The following FAM216A variants were observed in gnomAD, a reference collection of about 807,000 sequenced individuals.
FAM216A encodes family with sequence similarity 216 member A, also known as protein FAM216A.
A neutral mutation model predicts 37.6 loss-of-function variants in FAM216A; 26 were observed. The observed-to-expected ratio is 0.69, with a 90% confidence interval of 0.51 to 0.96. The LOEUF (loss-of-function observed/expected upper bound fraction) is 0.96. FAM216A is among the 40% of genes least tolerant of loss of function. The probability of loss-of-function intolerance (pLI) is 0.00; values close to 1 mark genes in which losing one functional copy is unlikely to be tolerated. For synonymous variants in FAM216A, 110 were observed against 121.7 expected (o/e 0.90, Z 0.64); for missense variants, 326 against 339.3 (o/e 0.96, Z 0.31).
chr12:110,468,943 C>T lies in FAM216A; in HGVS notation c.68C>T (p.Pro23Leu), dbSNP rs752617673. Residue 23 changes from proline (P) to leucine (L), a missense_variant, in exon 1 of 7, where the codon CCG becomes CTG. Transcript: ENST00000377673. ...GCCGCGGAGATGCCCGGCCAGGGTC[C>T]GGGGTCCGACTGGACGGAGCGTAGC... Reference protein sequence around the residue: ...LGAAEMPGQGPGSDWTERSSS... With the variant: ...LGAAEMPGQGLGSDWTERSSS... 1 of 1,524,740 alleles carries T rather than the reference C, an allele frequency of 6.6e-7. No homozygotes were observed. The highest frequency in any genetic ancestry group is 1.2e-5 in the South Asian group (1 of 83,512). 94.5% of individuals were successfully genotyped at this position (1,524,740 alleles called of 1,614,324 possible).
At chr12:110,486,226 T>C in intron 3 of FAM216A, 99 bp from the exon 4 acceptor site, 2 of 1,282,982 alleles carry the variant, frequency 1.6e-6, no homozygotes, top group Non-Finnish European at 2.1e-6. Context: ...TAAAATACAG[T>C]TGGCACAACT....
intron 1 of FAM216A, among the ~76,000 whole-genome samples, chr12:110,472,101 G>A (rs531925382): frequency 2.0e-4 from 31 of 151,928 alleles, no homozygotes; most frequent in African/African-American, 6.8e-4. Flanking sequence ...GCGTGGTGGC[G>A]GGCACCTGTA....
rs73417399 is a variant in FAM216A, at chr12:110,472,397, A to G, written c.144-681A>G. On this transcript the variant is annotated intron_variant, in intron 1 of 6. Coordinates refer to ENST00000377673, the MANE Select transcript of FAM216A (RefSeq NM_013300.3). ...GGAAGCTATAAAATTAAGACCCAGG[A>G]TAGGCATGGTGGCTCACATCTGTAC... 2.6e-3 allele frequency among the ~76,000 whole-genome samples: 397 copies of G among 151,930 alleles called. 2 individuals carry two copies. The highest frequency in any genetic ancestry group is 9.1e-3 in the African/African-American group (378 of 41,442).
Position 110,468,880 on chromosome 12 carries a change from T to G in FAM216A, c.5T>G (p.Leu2Arg). The G allele has an allele frequency of 6.6e-7, 1 of 1,509,156 alleles. No individual in the cohort carries two copies. The highest frequency in any genetic ancestry group is 8.8e-7 in the Non-Finnish European group (1 of 1,130,604). The allele number at this position is 1,509,156 out of a possible 1,614,324, so 93.5% of individuals were successfully genotyped here. A position where few individuals can be genotyped will look rare whatever the true frequency, so the allele number is the denominator to read the frequency against. Residue 2 changes from leucine (L) to arginine (R), a missense_variant, in exon 1 of 7, where the codon CTG becomes CGG. Transcript: ENST00000377673. ...ACGCGTGCTGTCGGGGGAGGGATGC[T>G]GGGACAGCTGCTCCCGCACACGGCT... MLGQLLPHTARG... is the reference protein window; with the variant it reads MRGQLLPHTARG...
intron 2 of FAM216A, 104 bp downstream of exon 2, chr12:110,473,222 T>C: frequency 1.8e-6 from 1 of 552,988 alleles, no homozygotes; most frequent in Admixed American, 3.4e-5. Context: ...CTTTTTTCTT[T>C]TTTTTTTGAG....
intron 2 of FAM216A, among the ~76,000 whole-genome samples, chr12:110,484,154 C>T (rs1005769134): frequency 2.0e-5 from 3 of 151,562 alleles, no homozygotes; most frequent in South Asian, 4.2e-4. Context: ...TTAGGCCGGG[C>T]GCCGTGGCTC....
At chr12:110,487,189 C>G (rs1462971088) in intron 5 of FAM216A, 1 of 153,664 alleles carries the variant, frequency 6.5e-6, no homozygotes, top group Non-Finnish European at 1.4e-5. Context: ...GGCTAAAGTG[C>G]ACTGGCGCGA....
chr12:110,485,665 T>TG (rs1429307716), intron 3 of FAM216A, among the ~76,000 whole-genome samples: 1 of 152,220 alleles, frequency 6.6e-6, no homozygotes, highest in Non-Finnish European at 1.5e-5. Context: ...CTGTATCCCA[T>TG]TAACGATCGT....
At chr12:110,475,034 G>A (rs1309113746) in intron 2 of FAM216A, among the ~76,000 whole-genome samples, 1 of 151,924 alleles carries the variant, frequency 6.6e-6, no homozygotes, top group Admixed American at 6.6e-5. Flanking sequence ...CTAGATTGTG[G>A]AATTAAAAGT....
chr12:110,490,241 G>C lies in FAM216A; in HGVS notation c.*104G>C. Reference sequence around the variant, plus strand: ...GTATTGTTATTTATTAAATCATTAAGTAATTTTGGTTTGTTCAGAAACTTA... The same window carrying C: ...GTATTGTTATTTATTAAATCATTAACTAATTTTGGTTTGTTCAGAAACTTA... On this transcript the variant is annotated 3_prime_UTR_variant, in exon 7 of 7. Transcript: ENST00000377673. 1 of 736,514 alleles carries C rather than the reference G, an allele frequency of 1.4e-6. No individual in the cohort carries two copies. Among genetic ancestry groups the C allele is most frequent in the Non-Finnish European group, 2.4e-6 (1 of 412,062 alleles). 45.6% of individuals were successfully genotyped at this position (736,514 alleles called of 1,614,324 possible). A position where few individuals can be genotyped will look rare whatever the true frequency, so the allele number is the denominator to read the frequency against.
chr12:110,479,163 CAA>C (rs764041764), intron 2 of FAM216A, among the ~76,000 whole-genome samples: 5 of 116,632 alleles, frequency 4.3e-5, no homozygotes, highest in Admixed American at 8.9e-5. Context: ...GACTCTGTCT[CAA>C]AAAAAAAAAA....
In FAM216A at chr12:110,490,103, T is replaced by C. The variant is rs532373918; in HGVS notation, c.788T>C (p.Ile263Thr). 3.2e-6 allele frequency: 5 copies of C among 1,572,402 alleles called. No individual in the cohort carries two copies. Among genetic ancestry groups the C allele is most frequent in the Admixed American group, 1.7e-5 (1 of 59,974 alleles). Residue 263 changes from isoleucine to threonine, a missense_variant, in exon 7 of 7, where the codon ATT (isoleucine) becomes ACT (threonine). Transcript: ENST00000377673. Reference protein sequence around the residue: ...LLNNFMQSMSIEEQGEHLMLT With the variant: ...LLNNFMQSMSTEEQGEHLMLT Reference sequence around the variant, plus strand: ...AATAATTTTATGCAATCAATGTCAATTGAAGAACAGGGAGAACATCTGATG... The same window carrying C: ...AATAATTTTATGCAATCAATGTCAACTGAAGAACAGGGAGAACATCTGATG...
Position 110,485,070 on chromosome 12 carries a change from G to A in FAM216A, c.185-8G>A. ...CCTCTGAAATTCACATGATGTCTTT[G>A]CCTACAGATAGAATCAAAGATGGAT... On this transcript the variant is annotated splice_region_variant and splice_polypyrimidine_tract_variant and intron_variant, in intron 2 of 6. Transcript: ENST00000377673. 1 of 1,599,114 alleles carries A rather than the reference G, an allele frequency of 6.3e-7. No homozygotes were observed. Among genetic ancestry groups the A allele is most frequent in the East Asian group, 2.3e-5 (1 of 44,442 alleles).
chr12:110,487,390 C>A (rs1423035472), intron 5 of FAM216A: 5 of 154,562 alleles, frequency 3.2e-5, no homozygotes, highest in Non-Finnish European at 7.2e-5. Context: ...CCGCCTTGGC[C>A]TCCCAAAGTG....
intron 5 of FAM216A, 97 bp downstream of exon 5, chr12:110,486,814 T>C: frequency 9.1e-7 from 1 of 1,102,788 alleles, no homozygotes; most frequent in Non-Finnish European, 1.3e-6. Context: ...TGGAGTGTAG[T>C]GGTGTGATAC....
rs2062770130 is a variant in FAM216A at position 110,485,147 on chromosome 12, A to C, written c.254A>C (p.Gln85Pro). 1.2e-6 allele frequency: 2 copies of C among 1,613,174 alleles called. No individual in the cohort carries two copies. Among genetic ancestry groups the C allele is most frequent in the South Asian group, 2.2e-5 (2 of 90,900 alleles). ...CTGCAAGAGTTATGGAAAACTCCCCAAAATCAAACAATCCACCTCTCTAAA... is the reference window on the plus strand; with the variant it reads ...CTGCAAGAGTTATGGAAAACTCCCCCAAATCAAACAATCCACCTCTCTAAA... ...AKLQELWKTP[Q>P]NQTIHLSKSM... The change falls in exon 3 of 7, where the codon CAA becomes CCA. Residue 85 changes from glutamine (Q) to proline (P), a missense_variant. Transcript: ENST00000377673.
intron 2 of FAM216A, among the ~76,000 whole-genome samples, chr12:110,484,384 G>A (rs1402966742): frequency 7.2e-5 from 9 of 125,072 alleles, no homozygotes; most frequent in East Asian, 4.9e-4. Context: ...CTGAGATCGC[G>A]CTACTGCACT....
At chr12:110,482,086 C>CT (rs111250050) in intron 2 of FAM216A, among the ~76,000 whole-genome samples, 33 of 96,974 alleles carry the variant, frequency 3.4e-4, no homozygotes, top group South Asian at 4.8e-4. Context: ...TAACTATATA[C>CT]TTTTTTTTTT....
chr12:110,468,887 G>A lies in FAM216A; in HGVS notation c.12G>A (p.Gln4=). 1 of 1,514,162 alleles carries A rather than the reference G, an allele frequency of 6.6e-7. No homozygotes were observed. Among genetic ancestry groups the A allele is most frequent in the Non-Finnish European group, 8.8e-7 (1 of 1,133,376 alleles). The allele number at this position is 1,514,162 out of a possible 1,614,324, so 93.8% of individuals were successfully genotyped here. ...CTGTCGGGGGAGGGATGCTGGGACAGCTGCTCCCGCACACGGCTCGCGGTC... is the reference window on the plus strand; with the variant it reads ...CTGTCGGGGGAGGGATGCTGGGACAACTGCTCCCGCACACGGCTCGCGGTC... MLG[Q]LLPHTARGLG... The change falls in exon 1 of 7, where the codon CAG becomes CAA. Residue 4 remains glutamine (Q), a synonymous_variant. Coordinates refer to ENST00000377673, the MANE Select transcript of FAM216A (RefSeq NM_013300.3).
Sources: gnomAD v4.1 joint callset for allele counts (sites outside exome capture counted in the v4.1 genomes callset) on GRCh38, gnomAD v4.1.1 for gene constraint, MANE v1.5 for transcripts, NCBI Gene and HGNC (gene_info 2026-07-23, HGNC 2026-07-21) for gene names.